The following SPTLC1 variants were observed in gnomAD, a reference collection of about 807,000 sequenced individuals.
SPTLC1 encodes serine palmitoyltransferase long chain base subunit 1.
A neutral mutation model predicts 68.9 loss-of-function variants in SPTLC1; 55 were observed. That is an observed-to-expected ratio of 0.80 (90% CI 0.64 to 1.00). The LOEUF (loss-of-function observed/expected upper bound fraction) is 1.00. Among genes scored for constraint, SPTLC1 ranks in the 50% least tolerant of loss-of-function variants. SPTLC1 has a pLI of 0.00. For missense variants in SPTLC1, 449 were observed against 573.1 expected (o/e 0.78, Z 2.21); for synonymous variants, 197 against 201.6 (o/e 0.98, Z 0.19).
chr9:92,045,766 T>C lies in SPTLC1; in HGVS notation c.1136+233A>G, dbSNP rs530835064. Among the ~76,000 whole-genome samples, 23 of 152,278 alleles carry C rather than the reference T, an allele frequency of 1.5e-4. No homozygotes were observed. The South Asian group carries it at 3.9e-3, about 26-fold the overall frequency. ...ATTTTCATCTTTCTATCTTCTGTAC[T>C]GCTGTAATATTTTATTAATGAGTTT... On this transcript the variant is annotated intron_variant, in intron 12 of 14. Coordinates refer to ENST00000262554, the MANE Select transcript of SPTLC1 (RefSeq NM_006415.4).
chr9:92,084,443 C>T (rs1202332917), intron 3 of SPTLC1, among the ~76,000 whole-genome samples: 1 of 152,146 alleles, frequency 6.6e-6, no homozygotes, highest in East Asian at 1.9e-4. Context: ...TGAGAGTTTT[C>T]AGCATGAAGG....
intron 13 of SPTLC1, 32 bp from the exon 14 acceptor site, chr9:92,034,915 T>TG: frequency 1.3e-6 from 2 of 1,567,974 alleles, no homozygotes; most frequent in Non-Finnish European, 1.8e-6. Context: ...ATCTGCAACC[T>TG]GGACTTCAGA....
intron 9 of SPTLC1, among the ~76,000 whole-genome samples, chr9:92,048,111 G>A (rs368090818): frequency 7.2e-5 from 11 of 152,292 alleles, no homozygotes; most frequent in African/African-American, 2.4e-4. Context: ...AAAGTCTATC[G>A]AAGTTTTGAG....
chr9:92,038,590 G>A, intron 12 of SPTLC1: 1 of 549,782 alleles, frequency 1.8e-6, no homozygotes, highest in South Asian at 1.9e-5. Context: ...CTTCCTGAGT[G>A]CAGGACCGGG....
chr9:92,068,954 T>G (rs1443083132), intron 5 of SPTLC1, among the ~76,000 whole-genome samples: 1 of 152,132 alleles, frequency 6.6e-6, no homozygotes, highest in African/African-American at 2.4e-5. Flanking sequence ...CTTAGCTCTT[T>G]TAACTATGGC....
At chr9:92,069,361 A>G (rs1003021800) in intron 5 of SPTLC1, among the ~76,000 whole-genome samples, 8 of 152,214 alleles carry the variant, frequency 5.3e-5, no homozygotes, top group Non-Finnish European at 1.2e-4. Flanking sequence ...ATATCATTTG[A>G]TTTCCATTAC....
At chr9:92,090,915 C>G (rs1835339973) in intron 3 of SPTLC1, among the ~76,000 whole-genome samples, 1 of 152,114 alleles carries the variant, frequency 6.6e-6, no homozygotes, top group Admixed American at 6.5e-5. Flanking sequence ...TCACACACCT[C>G]AAGGACAGAA....
At chr9:92,032,645 G>A (rs1833008562) in intron 14 of SPTLC1, 87 bp from the exon 15 acceptor site, 1 of 1,550,560 alleles carries the variant, frequency 6.4e-7, no homozygotes, top group Non-Finnish European at 8.8e-7. Context: ...TGGAGGCCAA[G>A]GCAGGTGGAT....
intron 1 of SPTLC1, 136 bp from the exon 2 acceptor site, chr9:92,112,698 A>C (rs1836296159): frequency 1.6e-6 from 1 of 632,038 alleles, no homozygotes; most frequent in Non-Finnish European, 2.8e-6. Context: ...AAGCTCCCTT[A>C]ATTTCTATTC....
At chr9:92,080,823 T>C in intron 4 of SPTLC1, 47 bp downstream of exon 4, 8 of 1,468,376 alleles carry the variant, frequency 5.4e-6, no homozygotes, top group Non-Finnish European at 6.7e-6. Flanking sequence ...TCTAGTTTCT[T>C]AAATCAGTAA....
intron 5 of SPTLC1, 149 bp from the exon 6 acceptor site, chr9:92,068,247 A>C: frequency 1.3e-6 from 1 of 761,952 alleles, no homozygotes; most frequent in Non-Finnish European, 2.1e-6. Context: ...AGATTATACA[A>C]GATCTATTAA....
chr9:92,035,458 A>G (rs1209653609), intron 13 of SPTLC1, among the ~76,000 whole-genome samples: 1 of 152,216 alleles, frequency 6.6e-6, no homozygotes, highest in African/African-American at 2.4e-5. Flanking sequence ...CCATCTGTCA[A>G]CATTAAGAAA....
intron 3 of SPTLC1, among the ~76,000 whole-genome samples, chr9:92,088,579 C>T (rs565562473): frequency 6.6e-5 from 10 of 152,252 alleles, no homozygotes; most frequent in Non-Finnish European, 2.9e-5. Context: ...AAACAAATAC[C>T]GAGATAGACC....
At chr9:92,056,739 G>A (rs1275961991) in intron 7 of SPTLC1, among the ~76,000 whole-genome samples, 3 of 152,092 alleles carry the variant, frequency 2.0e-5, no homozygotes, top group African/African-American at 7.2e-5. Context: ...ATCAGAATTA[G>A]AAAGTATCAG....
chr9:92,089,082 A>T (rs1315422000), intron 3 of SPTLC1, among the ~76,000 whole-genome samples: 1 of 152,234 alleles, frequency 6.6e-6, no homozygotes, highest in East Asian at 1.9e-4. Flanking sequence ...TCCCAAGAGC[A>T]TAAACATAAG....
rs1205836495 is a variant in SPTLC1, at chr9:92,035,025, C to T, written c.1255-142G>A. On this transcript the variant is annotated intron_variant, in intron 13 of 14. Coordinates refer to ENST00000262554, the MANE Select transcript of SPTLC1 (RefSeq NM_006415.4). ...GCTAGAAGATATCACCAAAATACTA[C>T]ACCACCACCTTGGCAGCACTGTCCA... 60 of 766,744 alleles carry T rather than the reference C, an allele frequency of 7.8e-5. No homozygotes were observed. In the East Asian group the frequency reaches 1.4e-3, roughly 18 times the overall value. 47.5% of individuals were successfully genotyped at this position (766,744 alleles called of 1,614,324 possible).
chr9:92,074,025 T>C (rs1490169037), intron 5 of SPTLC1, among the ~76,000 whole-genome samples: 1 of 151,636 alleles, frequency 6.6e-6, no homozygotes, highest in Admixed American at 6.6e-5. Context: ...CTGGAGCTCC[T>C]GGAGTACAAA....
At chr9:92,074,757 G>A (rs1315141916) in intron 5 of SPTLC1, among the ~76,000 whole-genome samples, 4 of 151,996 alleles carry the variant, frequency 2.6e-5, no homozygotes, top group African/African-American at 4.8e-5. Flanking sequence ...CAAGACCTTC[G>A]TTTCATCAAT....
intron 5 of SPTLC1, chr9:92,079,417 C>T: frequency 6.4e-7 from 1 of 1,565,146 alleles, no homozygotes; most frequent in Non-Finnish European, 8.6e-7. Flanking sequence ...AAAGAATATA[C>T]ACTTAATAAA....
Sources: gnomAD v4.1 joint callset for allele counts (sites outside exome capture counted in the v4.1 genomes callset) on GRCh38, gnomAD v4.1.1 for gene constraint, MANE v1.5 for transcripts, NCBI Gene and HGNC (gene_info 2026-07-23, HGNC 2026-07-21) for gene names.